The following DLG2 variants were observed in gnomAD, a reference collection of about 807,000 sequenced individuals.
The protein encoded by DLG2 is disks large homolog 2.
Under a neutral mutation model 132.5 loss-of-function variants are expected in DLG2, and 45 were observed. That is an observed-to-expected ratio of 0.34 (90% CI 0.27 to 0.44). DLG2 has a LOEUF of 0.44. Among genes scored for constraint, DLG2 ranks in the 20% least tolerant of loss-of-function variants. DLG2 has a pLI of 1.00. For synonymous variants in DLG2, 424 were observed against 419.6 expected (o/e 1.01, Z -0.13); for missense variants, 1,045 against 1,196.9 (o/e 0.87, Z 1.87).
intron 3 of DLG2, among the ~76,000 whole-genome samples, chr11:85,438,092 G>T (rs2091587606): frequency 6.6e-6 from 1 of 152,168 alleles, no homozygotes; most frequent in African/African-American, 2.4e-5. Flanking sequence ...GGGGGATGAG[G>T]CACTACATAC....
At chr11:84,740,601 A>T (rs370615815) in intron 6 of DLG2, among the ~76,000 whole-genome samples, 3 of 152,280 alleles carry the variant, frequency 2.0e-5, no homozygotes, top group African/African-American at 7.2e-5. Flanking sequence ...CACCTCTCCA[A>T]CACTGGTGCT....
intron 6 of DLG2, among the ~76,000 whole-genome samples, chr11:84,804,974 G>A (rs1347344243): frequency 1.3e-5 from 2 of 152,134 alleles, no homozygotes; most frequent in East Asian, 3.9e-4. Flanking sequence ...CCACCTGATG[G>A]CAACAATATC....
chr11:85,303,606 C>T (rs998491905), intron 3 of DLG2, among the ~76,000 whole-genome samples: 2 of 152,118 alleles, frequency 1.3e-5, no homozygotes, highest in African/African-American at 4.8e-5. Context: ...ATTTCTGTTA[C>T]CATACTATCA....
At chr11:83,741,138 T>C (rs1448617128) in intron 18 of DLG2, among the ~76,000 whole-genome samples, 6 of 152,114 alleles carry the variant, frequency 3.9e-5, no homozygotes, top group African/African-American at 1.4e-4. Context: ...GACTAGGCAC[T>C]GAAGGAACAT....
chr11:83,665,011 C>T (rs891650466), intron 18 of DLG2, among the ~76,000 whole-genome samples: 1 of 152,060 alleles, frequency 6.6e-6, no homozygotes, highest in Non-Finnish European at 1.5e-5. Context: ...ATAGCAAGTG[C>T]TCAATAAATA....
At chr11:85,082,188 C>T (rs906248344) in intron 6 of DLG2, among the ~76,000 whole-genome samples, 6 of 152,048 alleles carry the variant, frequency 3.9e-5, no homozygotes, top group African/African-American at 1.4e-4. Flanking sequence ...GGCTCCTGCT[C>T]CCTAAACACA....
chr11:85,526,078 A>T (rs554197863), intron 3 of DLG2, among the ~76,000 whole-genome samples: 1 of 152,332 alleles, frequency 6.6e-6, no homozygotes, highest in Non-Finnish European at 1.5e-5. Flanking sequence ...TTCACTAGGC[A>T]TTGGGTAGAA....
intron 11 of DLG2, among the ~76,000 whole-genome samples, chr11:83,986,508 C>T (rs1407073678): frequency 1.2e-4 from 18 of 149,614 alleles, no homozygotes; most frequent in East Asian, 1.2e-3. Flanking sequence ...TGAATAGTGC[C>T]ACAATAAACA....
chr11:84,701,926 T>C (rs561310804), intron 6 of DLG2, among the ~76,000 whole-genome samples: 4 of 151,558 alleles, frequency 2.6e-5, no homozygotes, highest in Non-Finnish European at 3.0e-5. Context: ...CCCCTTTCTG[T>C]CGAAATCGTC....
chr11:83,924,164 G>A (rs2078491740), intron 15 of DLG2, among the ~76,000 whole-genome samples: 2 of 152,098 alleles, frequency 1.3e-5, no homozygotes, highest in African/African-American at 4.8e-5. Flanking sequence ...GCAGAGTTAG[G>A]TAATTCCTCC....
At chr11:83,629,155 T>C (rs995320078) in intron 19 of DLG2, among the ~76,000 whole-genome samples, 2 of 152,126 alleles carry the variant, frequency 1.3e-5, no homozygotes, top group Admixed American at 6.6e-5. Context: ...TCATTTCACA[T>C]TGCATTTAAT....
intron 4 of DLG2, among the ~76,000 whole-genome samples, chr11:85,268,756 A>T (rs2077361613): frequency 6.6e-6 from 1 of 152,242 alleles, no homozygotes. Flanking sequence ...AATAACACAC[A>T]ATTAGAATGG....
chr11:84,393,014 T>C (rs1030359396), intron 7 of DLG2, among the ~76,000 whole-genome samples: 2 of 152,210 alleles, frequency 1.3e-5, no homozygotes, highest in African/African-American at 4.8e-5. Context: ...TTGGTACTCA[T>C]GCATTTCTGG....
At chr11:84,777,281 G>GTGTATATATATA (rs1218190517) in intron 6 of DLG2, among the ~76,000 whole-genome samples, 41 of 94,988 alleles carry the variant, frequency 4.3e-4, no homozygotes, top group Non-Finnish European at 6.0e-4. Flanking sequence ...ATGTGTGTGT[G>GTGTATATATATA]TATATATATA....
intron 3 of DLG2, among the ~76,000 whole-genome samples, chr11:85,578,066 G>C (rs955021315): frequency 6.6e-5 from 10 of 152,086 alleles, no homozygotes; most frequent in Non-Finnish European, 1.5e-4. Flanking sequence ...GAACAGAATA[G>C]AGAACCCAGC....
intron 18 of DLG2, chr11:83,651,842 G>A (rs1397381135): frequency 4.2e-6 from 2 of 471,082 alleles, no homozygotes; most frequent in East Asian, 6.9e-5. Flanking sequence ...TCCCTACCTG[G>A]CTCAGAGCTA....
At chr11:84,868,061 G>C (rs2084880019) in intron 6 of DLG2, among the ~76,000 whole-genome samples, 1 of 150,044 alleles carries the variant, frequency 6.7e-6, no homozygotes, top group Non-Finnish European at 1.5e-5. Flanking sequence ...GCAACAAAGC[G>C]AGGTTCCGTC....
chr11:85,293,946 T>C (rs141136804), intron 3 of DLG2, among the ~76,000 whole-genome samples: 1 of 152,198 alleles, frequency 6.6e-6, no homozygotes, highest in African/African-American at 2.4e-5. Flanking sequence ...ACTTCATTAA[T>C]AAGATGCATG....
intron 9 of DLG2, among the ~76,000 whole-genome samples, chr11:84,144,756 T>C (rs150776384): frequency 2.1e-4 from 32 of 152,296 alleles, no homozygotes; most frequent in East Asian, 1.4e-3. Flanking sequence ...TGTAAGGACA[T>C]AGAACTGCTG....
Sources: allele counts gnomAD v4.1 joint callset (sites outside exome capture counted in the v4.1 genomes callset), GRCh38; gene constraint gnomAD v4.1.1; transcripts MANE v1.5; gene names NCBI Gene and HGNC (gene_info 2026-07-23, HGNC 2026-07-21).